The following EXOC6B variants were observed in gnomAD, a reference collection of about 807,000 sequenced individuals.
EXOC6B encodes SEC15 homolog B.
Under a neutral mutation model 113.5 loss-of-function variants are expected in EXOC6B, and 54 were observed. That is an observed-to-expected ratio of 0.48 (90% CI 0.38 to 0.60). The LOEUF (loss-of-function observed/expected upper bound fraction) is 0.60, where lower values mean the gene tolerates loss of function less well. EXOC6B is among the 20% of genes least tolerant of loss of function. EXOC6B has a pLI of 0.00. For synonymous variants in EXOC6B, 357 were observed against 339.0 expected (o/e 1.05, Z -0.58); for missense variants, 797 against 977.5 (o/e 0.82, Z 2.46).
At chr2:72,761,825 T>A (rs142307538) in intron 1 of EXOC6B, among the ~76,000 whole-genome samples, 1,644 of 152,150 alleles carry the variant, frequency 0.011, 42 homozygotes, top group African/African-American at 0.038. Flanking sequence ...TATAAAACTG[T>A]TCAGGAGCTA....
chr2:72,371,699 T>C (rs1333286859), intron 19 of EXOC6B, among the ~76,000 whole-genome samples: 1 of 152,166 alleles, frequency 6.6e-6, no homozygotes, highest in Non-Finnish European at 1.5e-5. Flanking sequence ...ATAAAAGGCA[T>C]GTATGACAGA....
At chr2:72,790,346 G>T (rs1018194801) in intron 1 of EXOC6B, among the ~76,000 whole-genome samples, 5 of 152,084 alleles carry the variant, frequency 3.3e-5, no homozygotes, top group African/African-American at 4.8e-5. Flanking sequence ...CAAAAGTGAG[G>T]GTTTTTCATC....
chr2:72,263,181 C>T (rs989191289), intron 20 of EXOC6B: 1 of 152,172 alleles, frequency 6.6e-6, no homozygotes, highest in African/African-American at 2.4e-5. Context: ...GGATAACAGC[C>T]TGCCAGAGGA....
chr2:72,492,808 T>C (rs1238025995), intron 15 of EXOC6B, among the ~76,000 whole-genome samples: 8 of 152,210 alleles, frequency 5.3e-5, no homozygotes, highest in Non-Finnish European at 8.8e-5. Context: ...TTCTAAACAT[T>C]CTCTTTACCT....
chr2:72,542,856 T>G (rs1415404429), intron 8 of EXOC6B, among the ~76,000 whole-genome samples: 1 of 152,124 alleles, frequency 6.6e-6, no homozygotes, highest in Non-Finnish European at 1.5e-5. Flanking sequence ...TCTGAAATTT[T>G]GAAAATTTAA....
chr2:72,734,859 G>A (rs918305188), intron 2 of EXOC6B, among the ~76,000 whole-genome samples: 18 of 152,120 alleles, frequency 1.2e-4, no homozygotes, highest in Non-Finnish European at 2.4e-4. Flanking sequence ...GCCAAGAAAG[G>A]GGAAAAATAT....
chr2:72,384,679 C>T (rs1306289120), intron 18 of EXOC6B, among the ~76,000 whole-genome samples: 3 of 151,678 alleles, frequency 2.0e-5, no homozygotes, highest in African/African-American at 4.8e-5. Flanking sequence ...TTGCAGGATA[C>T]AAAATAAACA....
At chr2:72,720,594 T>C (rs756736830) in intron 5 of EXOC6B, among the ~76,000 whole-genome samples, 4 of 151,456 alleles carry the variant, frequency 2.6e-5, no homozygotes, top group Non-Finnish European at 4.4e-5. Flanking sequence ...CCAAAAAAAT[T>C]ACAAAAAAAT....
intron 8 of EXOC6B, among the ~76,000 whole-genome samples, chr2:72,531,619 A>C (rs1466462668): frequency 1.3e-5 from 2 of 152,350 alleles, no homozygotes; most frequent in South Asian, 2.1e-4. Flanking sequence ...AGAAATCCTC[A>C]ACAAAATGAT....
At chr2:72,400,268 T>C (rs1209898928) in intron 18 of EXOC6B, among the ~76,000 whole-genome samples, 2 of 152,072 alleles carry the variant, frequency 1.3e-5, no homozygotes, top group African/African-American at 4.8e-5. Context: ...TCTCACTATA[T>C]ACAAACATTA....
chr2:72,243,650 A>G (rs1416193082), intron 20 of EXOC6B, among the ~76,000 whole-genome samples: 1 of 152,136 alleles, frequency 6.6e-6, no homozygotes, highest in Non-Finnish European at 1.5e-5. Flanking sequence ...GTGAATGACA[A>G]ATTAATGGGT....
At chr2:72,235,965 GC>G (rs1266498614) in intron 20 of EXOC6B, among the ~76,000 whole-genome samples, 1 of 152,132 alleles carries the variant, frequency 6.6e-6, no homozygotes, top group Non-Finnish European at 1.5e-5. Flanking sequence ...ATATAGAAGT[GC>G]TTAACAGATG....
chr2:72,660,675 TA>T (rs1674944640), intron 6 of EXOC6B, among the ~76,000 whole-genome samples: 1 of 152,212 alleles, frequency 6.6e-6, no homozygotes, highest in Non-Finnish European at 1.5e-5. Flanking sequence ...GAGGTAAGTA[TA>T]TTGAAACTTC....
intron 20 of EXOC6B, among the ~76,000 whole-genome samples, chr2:72,192,132 T>A (rs948164459): frequency 3.9e-5 from 6 of 152,148 alleles, no homozygotes; most frequent in African/African-American, 1.4e-4. Context: ...ATGAGCCTCA[T>A]CTCCCACGTA....
chr2:72,758,606 C>G (rs1682580517), intron 1 of EXOC6B, among the ~76,000 whole-genome samples: 1 of 152,092 alleles, frequency 6.6e-6, no homozygotes. Flanking sequence ...ATAGACTAGC[C>G]CATTTTAATA....
At chr2:72,712,250 T>A (rs1288997915) in intron 6 of EXOC6B, among the ~76,000 whole-genome samples, 1 of 152,130 alleles carries the variant, frequency 6.6e-6, no homozygotes. Context: ...GCCAAAATAA[T>A]AGAGTGTATT....
intron 6 of EXOC6B, among the ~76,000 whole-genome samples, chr2:72,690,439 T>C (rs1677401765): frequency 6.6e-6 from 1 of 152,214 alleles, no homozygotes; most frequent in Non-Finnish European, 1.5e-5. Context: ...GTTGATCATG[T>C]CAATTCACTA....
intron 20 of EXOC6B, among the ~76,000 whole-genome samples, chr2:72,252,199 C>T (rs1683066180): frequency 6.6e-6 from 1 of 152,144 alleles, no homozygotes. Context: ...GGGGTTACAG[C>T]AACTTTTGGA....
chr2:72,284,344 C>A (rs1033944281), intron 20 of EXOC6B, among the ~76,000 whole-genome samples: 1 of 151,976 alleles, frequency 6.6e-6, no homozygotes. Flanking sequence ...CATTGTAATC[C>A]ATTATATCAA....
Sources: gnomAD v4.1 joint callset for allele counts (sites outside exome capture counted in the v4.1 genomes callset) on GRCh38, gnomAD v4.1.1 for gene constraint, MANE v1.5 for transcripts, NCBI Gene and HGNC (gene_info 2026-07-23, HGNC 2026-07-21) for gene names.